The following SLC7A1 variants were observed in gnomAD, a reference collection of about 807,000 sequenced individuals.
SLC7A1 encodes high affinity cationic amino acid transporter 1.
SLC7A1 carries 10 observed loss-of-function variants against 53.9 expected under a neutral mutation model. That is an observed-to-expected ratio of 0.19 (90% CI 0.11 to 0.31). The LOEUF is 0.31. Among genes scored for constraint, SLC7A1 ranks in the 10% least tolerant of loss-of-function variants. The pLI is 1.00. For synonymous variants in SLC7A1, 342 were observed against 338.7 expected (o/e 1.01, Z -0.11); for missense variants, 525 against 827.2 (o/e 0.63, Z 4.48).
rs1190086905 is a variant in SLC7A1, at chr13:29,567,388, C to T, written c.-114-13528G>A. Among the ~76,000 whole-genome samples the T allele has an allele frequency of 3.3e-5, 5 of 152,128 alleles. No homozygotes were observed. The South Asian group carries it at 1.0e-3, about 32-fold the overall frequency. On this transcript the variant is annotated intron_variant, in intron 1 of 12. Coordinates refer to ENST00000380752, the MANE Select transcript of SLC7A1 (RefSeq NM_003045.5). ...AGCAGAAGAGTAAAAGCTCATCAGG[C>T]AGTCAAAATGGAACAGTCTGTTAGC...
Position 29,514,647 on chromosome 13 carries a change from C to T in SLC7A1, c.1787-64G>A, listed in dbSNP as rs1883502267. ...CGGTTGCACCACCGCAGGCAGGGCT[C>T]AGAGCCCAGGGCGGTCCCACAGCAA... On this transcript the variant is annotated intron_variant, in intron 12 of 12. Coordinates refer to ENST00000380752, the MANE Select transcript of SLC7A1 (RefSeq NM_003045.5). 3.1e-6 allele frequency: 4 copies of T among 1,301,076 alleles called. No individual in the cohort carries two copies. The South Asian group carries it at 5.0e-5, about 16-fold the overall frequency. The allele number at this position is 1,301,076 out of a possible 1,614,324, so 80.6% of individuals were successfully genotyped here.
rs1412648527 is a variant in SLC7A1 at position 29,545,211 on chromosome 13, T to G, written c.-15+8550A>C. Among the ~76,000 whole-genome samples, 5 of 152,302 alleles carry G rather than the reference T, an allele frequency of 3.3e-5. No individual in the cohort carries two copies. The East Asian group carries it at 9.7e-4, about 29-fold the overall frequency. ...CTAAATGAATATAAATATAAAAAGA[T>G]GCTAGTTACAGATTAAAATCTAAAG... On this transcript the variant is annotated intron_variant, in intron 2 of 12. Transcript: ENST00000380752.
chr13:29,549,259 G>C (rs1870065049), intron 2 of SLC7A1, among the ~76,000 whole-genome samples: 1 of 152,150 alleles, frequency 6.6e-6, no homozygotes, highest in African/African-American at 2.4e-5. Flanking sequence ...TCAAAGACCA[G>C]GAGAAAACCG....
At chr13:29,551,921 C>T in intron 2 of SLC7A1, among the ~76,000 whole-genome samples, 1 of 152,100 alleles carries the variant, frequency 6.6e-6, no homozygotes, top group South Asian at 2.1e-4. Context: ...GTAGTAGCAG[C>T]CTCATAAACA....
intron 1 of SLC7A1, among the ~76,000 whole-genome samples, chr13:29,557,738 G>A (rs1870505458): frequency 8.1e-6 from 1 of 124,170 alleles, no homozygotes; most frequent in Non-Finnish European, 1.7e-5. Context: ...ATGTGAGTGA[G>A]GAGGAGTGAA....
intron 2 of SLC7A1, among the ~76,000 whole-genome samples, chr13:29,551,463 TCCC>T (rs944659777): frequency 2.6e-4 from 39 of 152,024 alleles, no homozygotes; most frequent in Admixed American, 2.2e-3. Flanking sequence ...AGCCATAAAT[TCCC>T]CCAATTCAGA....
intron 2 of SLC7A1, among the ~76,000 whole-genome samples, chr13:29,550,641 G>A (rs1306837695): frequency 6.6e-6 from 1 of 152,200 alleles, no homozygotes; most frequent in African/African-American, 2.4e-5. Flanking sequence ...CGTGAATTCA[G>A]CCAACAACCT....
chr13:29,519,905 G>A (rs781122665), intron 8 of SLC7A1, among the ~76,000 whole-genome samples: 2 of 152,036 alleles, frequency 1.3e-5, no homozygotes, highest in African/African-American at 4.8e-5. Context: ...ACAAGCATAG[G>A]GTATAAGGAT....
At chr13:29,545,267 G>A (rs1202988093) in intron 2 of SLC7A1, among the ~76,000 whole-genome samples, 2 of 152,118 alleles carry the variant, frequency 1.3e-5, no homozygotes, top group African/African-American at 4.8e-5. Context: ...CCCTCTCCAA[G>A]CCCGTCTCCT....
At chr13:29,576,714 A>G (rs1262095299) in intron 1 of SLC7A1, among the ~76,000 whole-genome samples, 2 of 152,130 alleles carry the variant, frequency 1.3e-5, no homozygotes, top group Non-Finnish European at 1.5e-5. Flanking sequence ...AAATGAAAGA[A>G]TGAGGAGGAA....
chr13:29,542,574 TCAGGAGGCTGAGC>T (rs1453948361), intron 2 of SLC7A1, among the ~76,000 whole-genome samples: 1 of 151,226 alleles, frequency 6.6e-6, no homozygotes, highest in African/African-American at 2.4e-5. Context: ...TCCCAGCTAC[TCAGGAGGCTGAGC>T]CAGGAGGATG....
At position 29,535,882 on chromosome 13, in the gene SLC7A1, C is replaced by CTGT; in HGVS notation, c.306_307insACA (p.Tyr102_Val103insThr). 1 of 1,614,214 alleles carries CTGT rather than the reference C, an allele frequency of 6.2e-7. No individual in the cohort carries two copies. Among genetic ancestry groups the CTGT allele is most frequent in the Non-Finnish European group, 8.5e-7 (1 of 1,180,038 alleles). On this transcript the variant is annotated inframe_insertion, in exon 3 of 13. Coordinates refer to ENST00000380752, the MANE Select transcript of SLC7A1 (RefSeq NM_003045.5). ...AAGGCCCAGAGCTCTCCAACGGTGA[C>CTGT]ATAGCTGTAGAGGTAAGCTGAGCCC...
chr13:29,570,362 A>G (rs1478634326), intron 1 of SLC7A1, among the ~76,000 whole-genome samples: 2 of 152,194 alleles, frequency 1.3e-5, no homozygotes, highest in Non-Finnish European at 2.9e-5. Flanking sequence ...ACTGATGAGG[A>G]ATCAGAAGCC....
At chr13:29,567,534 C>T (rs1871020090) in intron 1 of SLC7A1, among the ~76,000 whole-genome samples, 1 of 152,214 alleles carries the variant, frequency 6.6e-6, no homozygotes, top group Non-Finnish European at 1.5e-5. Context: ...ATGCTTCCCA[C>T]ACTGAATGTT....
chr13:29,539,729 G>A (rs1287619176), intron 2 of SLC7A1, among the ~76,000 whole-genome samples: 1 of 152,152 alleles, frequency 6.6e-6, no homozygotes, highest in African/African-American at 2.4e-5. Flanking sequence ...GGGGACAACT[G>A]GGACCCCTAC....
intron 2 of SLC7A1, among the ~76,000 whole-genome samples, chr13:29,547,986 G>A (rs529533556): frequency 2.1e-3 from 324 of 152,300 alleles, no homozygotes; most frequent in Non-Finnish European, 3.9e-3. Context: ...TAGTTAAAGC[G>A]TCTTTTATAT....
intron 2 of SLC7A1, among the ~76,000 whole-genome samples, chr13:29,550,451 T>A (rs1195430432): frequency 6.6e-6 from 1 of 152,264 alleles, no homozygotes; most frequent in East Asian, 1.9e-4. Flanking sequence ...AAAGGTGACC[T>A]GTGCTGGGCT....
intron 1 of SLC7A1, among the ~76,000 whole-genome samples, chr13:29,556,847 T>C (rs1398757583): frequency 1.3e-5 from 2 of 152,356 alleles, no homozygotes; most frequent in African/African-American, 2.4e-5. Flanking sequence ...AAGCTTAATA[T>C]ATGCTCAACA....
chr13:29,586,699 G>GA, intron 1 of SLC7A1: 1 of 151,698 alleles, frequency 6.6e-6, no homozygotes. Flanking sequence ...GGAAAAAGAA[G>GA]AAAAAAAAGG....
Sources: allele counts gnomAD v4.1 joint callset (sites outside exome capture counted in the v4.1 genomes callset), GRCh38; gene constraint gnomAD v4.1.1; transcripts MANE v1.5; gene names NCBI Gene and HGNC (gene_info 2026-07-23, HGNC 2026-07-21).